SLCO5A1: variants seen among roughly 807,000 people sequenced by gnomAD.
SLCO5A1 encodes organic anion transporter polypeptide-related protein 4.
Under a neutral mutation model 65.1 loss-of-function variants are expected in SLCO5A1, and 39 were observed. The ratio of observed to expected loss-of-function variants is 0.60; its 90% CI spans 0.46 to 0.78. SLCO5A1 has a LOEUF of 0.78. Ranked by LOEUF, SLCO5A1 falls within the 30% of genes least tolerant of loss-of-function variation. SLCO5A1 has a pLI of 0.00. For missense variants in SLCO5A1, 1,029 were observed against 1,069.4 expected (o/e 0.96, Z 0.53); for synonymous variants, 438 against 415.7 (o/e 1.05, Z -0.65).
rs755889350 is a variant in SLCO5A1, at chr8:69,673,060, G to A, written c.2356C>T (p.His786Tyr). 3.1e-6 allele frequency: 5 copies of A among 1,614,102 alleles called. No homozygotes were observed. Among genetic ancestry groups the A allele is most frequent in the Non-Finnish European group, 4.2e-6 (5 of 1,180,048 alleles). The change falls in exon 10 of 10, where the codon CAC becomes TAC. Residue 786 changes from histidine (H) to tyrosine (Y), a missense_variant. Transcript: ENST00000260126. ...GATCTAGTCCGGGCATTGTCGGGGT[G>A]TCCCACTCTCTCACTCACGGTGCTC... ...PLSTVSERVGHPDNARTRSCP... is the reference protein window; with the variant it reads ...PLSTVSERVGYPDNARTRSCP...
intron 7 of SLCO5A1, among the ~76,000 whole-genome samples, chr8:69,680,092 C>T (rs993524914): frequency 5.9e-5 from 9 of 152,194 alleles, no homozygotes; most frequent in Admixed American, 2.6e-4. Flanking sequence ...ATGACTTTAG[C>T]GCCAATAATA....
rs537726690 is a variant in SLCO5A1, at chr8:69,723,993, G to A, written c.1423+14047C>T. On this transcript the variant is annotated intron_variant, in intron 5 of 9. Transcript: ENST00000260126. ...TCCCCATGTTGGCCAGGCTGGTCTC[G>A]AACTCCTGACTTCAGGTGATTTGCC... 5.3e-5 allele frequency among the ~76,000 whole-genome samples: 8 copies of A among 152,152 alleles called. No homozygotes were observed. The South Asian group carries it at 1.0e-3, about 20-fold the overall frequency.
At chr8:69,780,797 G>A (rs1438643435) in intron 2 of SLCO5A1, among the ~76,000 whole-genome samples, 1 of 151,824 alleles carries the variant, frequency 6.6e-6, no homozygotes, top group Non-Finnish European at 1.5e-5. Context: ...ATAAAATTAT[G>A]CTTGTAACCC....
intron 2 of SLCO5A1, among the ~76,000 whole-genome samples, chr8:69,763,911 C>T (rs1350594935): frequency 6.6e-6 from 1 of 152,048 alleles, no homozygotes; most frequent in East Asian, 1.9e-4. Flanking sequence ...GTCGCCCAGG[C>T]TGGAGTACAG....
rs536124464 is a variant in SLCO5A1 at position 69,720,301 on chromosome 8, A to G, written c.1424-15072T>C. 1.6e-4 allele frequency among the ~76,000 whole-genome samples: 25 copies of G among 152,338 alleles called. No individual in the cohort carries two copies. The South Asian group carries it at 4.4e-3, about 27-fold the overall frequency. ...AATGTAGCAAGTGCGAATGTAATGT[A>G]CCTCCCACTGACAACCACGGGCTTC... On this transcript the variant is annotated intron_variant, in intron 5 of 9. Coordinates refer to ENST00000260126, the MANE Select transcript of SLCO5A1 (RefSeq NM_030958.3).
chr8:69,744,293 G>A (rs1351219846), intron 4 of SLCO5A1, among the ~76,000 whole-genome samples: 6 of 152,190 alleles, frequency 3.9e-5, no homozygotes, highest in Admixed American at 6.5e-5. Flanking sequence ...CTGTGAGAGC[G>A]GGCTGCTGCC....
chr8:69,675,128 T>A lies in SLCO5A1; in HGVS notation c.2089+1481A>T, dbSNP rs563801170. Among the ~76,000 whole-genome samples the A allele has an allele frequency of 1.6e-4, 25 of 152,186 alleles. No homozygotes were observed. The East Asian group carries it at 4.2e-3, about 26-fold the overall frequency. Reference sequence around the variant, plus strand: ...TAACAAATCTCCTTATTTCTAAATGTTATTTCTAAATAATACTGTTTAACT... The same window carrying A: ...TAACAAATCTCCTTATTTCTAAATGATATTTCTAAATAATACTGTTTAACT... On this transcript the variant is annotated intron_variant, in intron 9 of 9. Transcript: ENST00000260126.
At chr8:69,711,868 T>C (rs1356367667) in intron 5 of SLCO5A1, among the ~76,000 whole-genome samples, 4 of 149,060 alleles carry the variant, frequency 2.7e-5, no homozygotes, top group Admixed American at 6.7e-5. Flanking sequence ...ATCATCATCA[T>C]CATTTTAACA....
chr8:69,691,269 T>C (rs1195628167), intron 6 of SLCO5A1, among the ~76,000 whole-genome samples: 1 of 152,206 alleles, frequency 6.6e-6, no homozygotes, highest in Non-Finnish European at 1.5e-5. Flanking sequence ...AGGATTTTGC[T>C]AGAGCTCTCA....
At chr8:69,759,822 A>G (rs1296302171) in intron 3 of SLCO5A1, among the ~76,000 whole-genome samples, 1 of 151,916 alleles carries the variant, frequency 6.6e-6, no homozygotes, top group East Asian at 1.9e-4. Context: ...ATTTTTTTGT[A>G]TTTTTAGTAG....
chr8:69,739,395 T>C (rs1816704017), intron 4 of SLCO5A1, among the ~76,000 whole-genome samples: 1 of 152,130 alleles, frequency 6.6e-6, no homozygotes, highest in Non-Finnish European at 1.5e-5. Flanking sequence ...CTGGGAAAAA[T>C]ATATAACACC....
At position 69,761,809 on chromosome 8, in the gene SLCO5A1, C is replaced by A. The variant is rs1460264011; in HGVS notation, c.974G>T (p.Gly325Val). 3 of 1,613,874 alleles carry A rather than the reference C, an allele frequency of 1.9e-6. No individual in the cohort carries two copies. The highest frequency in any genetic ancestry group is 2.5e-6 in the Non-Finnish European group (3 of 1,179,976). ...VGYLLGGLLI[G>V]FYVDPRNPVH... ...AGGATTTCTGGGATCAACATAAAAACCAATAAGAAGTCCACCTAATAAATA... is the reference window on the plus strand; with the variant it reads ...AGGATTTCTGGGATCAACATAAAAAACAATAAGAAGTCCACCTAATAAATA... Residue 325 changes from glycine (G) to valine (V), a missense_variant, in exon 3 of 10, where the codon GGT becomes GTT. Gly to Val is a moderately radical substitution (Grantham distance 109, BLOSUM62 -3). This residue lies in a region of SLCO5A1 where 647 missense variants were observed against 647.5 expected (regional missense o/e 1.00). Transcript: ENST00000260126.
intron 2 of SLCO5A1, among the ~76,000 whole-genome samples, chr8:69,823,994 A>G (rs1586838575): frequency 6.6e-6 from 1 of 152,256 alleles, no homozygotes; most frequent in Non-Finnish European, 1.5e-5. Flanking sequence ...GCTCCACTAC[A>G]TGGAAACAAA....
chr8:69,675,261 G>A (rs996115091), intron 9 of SLCO5A1, among the ~76,000 whole-genome samples: 7 of 148,800 alleles, frequency 4.7e-5, no homozygotes, highest in African/African-American at 1.5e-4. Context: ...TGCAACCTCC[G>A]CCTCCCAGGT....
chr8:69,815,990 C>T (rs7005849), intron 2 of SLCO5A1, among the ~76,000 whole-genome samples: 84,538 of 151,950 alleles, frequency 0.56, 24,243 homozygotes, highest in African/African-American at 0.7. Context: ...TAGAAGACTT[C>T]CTTACTTACA....
intron 2 of SLCO5A1, among the ~76,000 whole-genome samples, chr8:69,830,711 C>T (rs80143683): frequency 0.011 from 1,731 of 152,264 alleles, 19 homozygotes; most frequent in Non-Finnish European, 0.02. Flanking sequence ...ATACCCTCTG[C>T]AACTGCTGCC....
intron 2 of SLCO5A1, among the ~76,000 whole-genome samples, chr8:69,781,707 G>T (rs896556510): frequency 4.6e-5 from 7 of 151,828 alleles, no homozygotes; most frequent in Admixed American, 2.0e-4. Flanking sequence ...GCCCAGGCTG[G>T]AGTGCAATGG....
intron 2 of SLCO5A1, among the ~76,000 whole-genome samples, chr8:69,769,339 G>T (rs1336128473): frequency 6.6e-6 from 1 of 151,918 alleles, no homozygotes; most frequent in Non-Finnish European, 1.5e-5. Context: ...GACTTTGAGG[G>T]CAGGCAACAT....
At chr8:69,823,352 T>A (rs1820731997) in intron 2 of SLCO5A1, among the ~76,000 whole-genome samples, 1 of 152,120 alleles carries the variant, frequency 6.6e-6, no homozygotes, top group Admixed American at 6.6e-5. Context: ...TCAAGACCCA[T>A]CAGTGTGCTG....
Sources: gnomAD v4.1 joint callset for allele counts (sites outside exome capture counted in the v4.1 genomes callset) on GRCh38, gnomAD v4.1.1 for gene constraint, gnomAD v4.1.1 regional missense constraint, MANE v1.5 for transcripts, NCBI Gene and HGNC (gene_info 2026-07-23, HGNC 2026-07-21) for gene names.